Variants in EPN3 observed in about 807,000 individuals in gnomAD.
EPN3 encodes the protein epsin 3, also known as epsin-3.
A neutral mutation model predicts 55.5 loss-of-function variants in EPN3; 56 were observed. The ratio of observed to expected loss-of-function variants is 1.01; its 90% confidence interval spans 0.81 to 1.26. EPN3 has a LOEUF of 1.26. Ranked by LOEUF, EPN3 falls within the 50% of genes most tolerant of loss-of-function variation. The pLI, the probability that EPN3 is intolerant of heterozygous loss-of-function variation, is 0.00. For synonymous variants in EPN3, 449 were observed against 375.2 expected (o/e 1.20, Z -2.27); for missense variants, 927 against 853.4 (o/e 1.09, Z -1.07).
rs146691139 is a variant in EPN3 at position 50,536,721 on chromosome 17, A to G, written c.165A>G (p.Glu55=). 4.6e-4 allele frequency: 750 copies of G among 1,614,112 alleles called. 6 individuals carry two copies. In the African/African-American group the frequency reaches 8.7e-3, roughly 19 times the overall value. ...CCTTCAACACAGTGGCCTTCACCGA[A>G]GTCATGGGCATGCTGTGGCGGCGGC... is the stretch of plus-strand genomic sequence containing the variant. ...DLTFNTVAFT[E]VMGMLWRRLN... The change falls in exon 2 of 10, where the codon GAA becomes GAG. Residue 55 remains glutamate (E), a synonymous_variant. Transcript: ENST00000268933.
In EPN3 at chr17:50,541,496, T is replaced by A. The variant is rs757224429; in HGVS notation, c.1387T>A (p.Ser463Thr). Reference sequence around the variant, plus strand: ...CCTGTTTGGAGACCCCAGCCCCAGTTCCAAGCAAAATGGCACGAAGGAGCC... The same window carrying A: ...CCTGTTTGGAGACCCCAGCCCCAGTACCAAGCAAAATGGCACGAAGGAGCC... ...LDLFGDPSPS[S>T]KQNGTKEPDA... The change falls in exon 9 of 10, where the codon TCC becomes ACC. Residue 463 changes from serine (S) to threonine (T), a missense_variant. Ser to Thr is a moderately conservative substitution (Grantham distance 58). Transcript: ENST00000268933. 6.2e-7 allele frequency: 1 copy of A among 1,614,060 alleles called. No individual in the cohort carries two copies. Among genetic ancestry groups the A allele is most frequent in the Admixed American group, 1.7e-5 (1 of 60,020 alleles).
At position 50,536,521 on chromosome 17, in the gene EPN3, C is replaced by T. The variant is rs200689978; in HGVS notation, c.-36C>T. The T allele has an allele frequency of 1.5e-5, 24 of 1,611,786 alleles. No homozygotes were observed. Among genetic ancestry groups the T allele is most frequent in the East Asian group, 6.7e-5 (3 of 44,760 alleles). ...GTGGCCCTCAGCCCTCCACCTCCGG[C>T]GGGGGCGAGGGCCACCCACCTCCAA... On this transcript the variant is annotated 5_prime_UTR_variant, in exon 2 of 10. Coordinates refer to ENST00000268933, the MANE Select transcript of EPN3 (RefSeq NM_017957.3).
rs757232842 is a variant in EPN3, at chr17:50,540,996, C to T, written c.1183C>T (p.His395Tyr). ...TTDPWALNSPHHKLPSTGADP... is the reference protein window; with the variant it reads ...TTDPWALNSPYHKLPSTGADP... ...AGACCCCTGGGCCCTGAACTCTCCC[C>T]ACCACAAACTCCCCAGCACTGGGGC... Residue 395 changes from histidine to tyrosine, a missense_variant, in exon 7 of 10, where the codon CAC (histidine) becomes TAC (tyrosine). Physicochemically the swap from His to Tyr is moderately conservative, Grantham distance 83 (BLOSUM62 2). Transcript: ENST00000268933. The T allele has an allele frequency of 1.2e-6, 2 of 1,608,678 alleles. No homozygotes were observed. Among genetic ancestry groups the T allele is most frequent in the South Asian group, 1.1e-5 (1 of 90,846 alleles).
At chr17:50,537,262 C>A in intron 2 of EPN3, 144 bp downstream of exon 2, 1 of 812,614 alleles carries the variant, frequency 1.2e-6, no homozygotes, top group Non-Finnish European at 1.9e-6. Context: ...ACGCAAGGCG[C>A]AACACCCGGC....
Position 50,540,965 on chromosome 17 carries a change from C to A in EPN3, c.1152C>A (p.Pro384=), listed in dbSNP as rs145271831. Residue 384 remains proline (P), a synonymous_variant, in exon 7 of 10, where the codon CCC becomes CCA. Coordinates refer to ENST00000268933, the MANE Select transcript of EPN3 (RefSeq NM_017957.3). ...CCCCAGTGCTGCCTGCTGGGCCCCC[C>A]ACCACAGACCCCTGGGCCCTGAACT... is the stretch of plus-strand genomic sequence containing the variant. ...GRTPVLPAGP[P]TTDPWALNSP... 7 of 1,612,898 alleles carry A rather than the reference C, an allele frequency of 4.3e-6. No individual in the cohort carries two copies. The highest frequency in any genetic ancestry group is 5.9e-6 in the Non-Finnish European group (7 of 1,179,822).
At chr17:50,540,463 C>A in intron 6 of EPN3, 129 bp downstream of exon 6, 2 of 857,870 alleles carry the variant, frequency 2.3e-6, no homozygotes, top group Non-Finnish European at 3.6e-6. Context: ...CCACCTTGAG[C>A]CTCCGCCGCC....
At chr17:50,533,122 G>C (rs542343684) in intron 1 of EPN3, 137 bp downstream of exon 1, 3 of 465,382 alleles carry the variant, frequency 6.4e-6, no homozygotes, top group East Asian at 1.3e-4. Flanking sequence ...GGACCTAAAG[G>C]CTTCTTTCCT....
chr17:50,538,421 A>G (rs915505479), intron 3 of EPN3: 1 of 565,810 alleles, frequency 1.8e-6, no homozygotes, highest in Admixed American at 3.2e-5. Context: ...GTGTACAATT[A>G]GGGGCACATG....
At position 50,541,219 on chromosome 17, in the gene EPN3, C is replaced by A. The variant is rs371106341; in HGVS notation, c.1250-10C>A. The A allele has an allele frequency of 1.2e-6, 2 of 1,613,520 alleles. No homozygotes were observed. The highest frequency in any genetic ancestry group is 1.7e-6 in the Non-Finnish European group (2 of 1,179,982). ...GTCAACCCATCTCCTCTTCCTCTCT[C>A]TCTTCCGAGGTGGTGCCTCGACCTT... On this transcript the variant is annotated splice_polypyrimidine_tract_variant and intron_variant, in intron 7 of 9. Coordinates refer to ENST00000268933, the MANE Select transcript of EPN3 (RefSeq NM_017957.3).
Position 50,540,273 on chromosome 17 carries a change from CTTCGTA to C in EPN3, c.919_924del (p.Phe307_Val308del), listed in dbSNP as rs1294818578. ...CCTCCATCCTGGACTTGGCTGACAT[CTTCGTA>C]CCTGCCCTGGCCCCGCCCTCCACAC... On this transcript the variant is annotated inframe_deletion, in exon 6 of 10. Transcript: ENST00000268933. 3 of 1,612,674 alleles carry C rather than the reference CTTCGTA, an allele frequency of 1.9e-6. No individual in the cohort carries two copies. In the African/African-American group the frequency reaches 4.0e-5, roughly 22 times the overall value.
At position 50,536,800 on chromosome 17, in the gene EPN3, G is replaced by A. The variant is rs560350688; in HGVS notation, c.244G>A (p.Asp82Asn). The A allele has an allele frequency of 6.2e-7, 1 of 1,614,160 alleles. No homozygotes were observed. The highest frequency in any genetic ancestry group is 8.5e-7 in the Non-Finnish European group (1 of 1,180,044). ...CGTGTACAAGGCTCTAACATTGCTG[G>A]ACTACCTGCTCAAGACGGGCTCCGA... ...RHVYKALTLL[D>N]YLLKTGSERV... The change falls in exon 2 of 10, where the codon GAC becomes AAC. Residue 82 changes from aspartate to asparagine, a missense_variant. Physicochemically the swap from Asp to Asn is conservative, Grantham distance 23. Coordinates refer to ENST00000268933, the MANE Select transcript of EPN3 (RefSeq NM_017957.3).
chr17:50,532,735 G>C lies in EPN3; in HGVS notation c.-387G>C. On this transcript the variant is annotated 5_prime_UTR_variant, in exon 1 of 10. Transcript: ENST00000268933. ...CCGGGCCAGCTGAGCAACTTTCCTC[G>C]GAGTGCTGCCTGGCGCTGGCTAGGA... The C allele has an allele frequency of 2.3e-6, 1 of 435,986 alleles. No homozygotes were observed. Among genetic ancestry groups the C allele is most frequent in the South Asian group, 1.8e-5 (1 of 54,722 alleles). The allele number at this position is 435,986 out of a possible 1,614,324, so 27.0% of individuals were successfully genotyped here.
At chr17:50,533,461 AG>A (rs1171866288) in intron 1 of EPN3, among the ~76,000 whole-genome samples, 1 of 152,172 alleles carries the variant, frequency 6.6e-6, no homozygotes, top group East Asian at 1.9e-4. Context: ...ACTTGGAGGC[AG>A]GGGCTGGAGC....
chr17:50,538,823 C>A, intron 3 of EPN3, 61 bp from the exon 4 acceptor site: 1 of 1,328,992 alleles, frequency 7.5e-7, no homozygotes, highest in Non-Finnish European at 1.0e-6. Context: ...CAGGCCTATA[C>A]TGCCCTTCTG....
At position 50,536,816 on chromosome 17, in the gene EPN3, C is replaced by A. The variant is rs368660081; in HGVS notation, c.260C>A (p.Thr87Lys). 8.7e-6 allele frequency: 14 copies of A among 1,614,126 alleles called. No homozygotes were observed. Among genetic ancestry groups the A allele is most frequent in the Non-Finnish European group, 1.2e-5 (14 of 1,180,034 alleles). The change falls in exon 2 of 10, where the codon ACG (threonine) becomes AAG (lysine). Residue 87 changes from threonine to lysine, a missense_variant. Thr to Lys is a moderately conservative substitution (Grantham distance 78, BLOSUM62 -1). Transcript: ENST00000268933. Reference protein sequence around the residue: ...ALTLLDYLLKTGSERVAHQCR... With the variant: ...ALTLLDYLLKKGSERVAHQCR... ...ACATTGCTGGACTACCTGCTCAAGA[C>A]GGGCTCCGAGCGGGTGGCCCACCAG... is the stretch of plus-strand genomic sequence containing the variant.
chr17:50,543,628 C>CACCT lies in EPN3; in HGVS notation c.*1472_*1475dup, dbSNP rs1348256387. On this transcript the variant is annotated 3_prime_UTR_variant, in exon 10 of 10. Coordinates refer to ENST00000268933, the MANE Select transcript of EPN3 (RefSeq NM_017957.3). ...CAGTTACAAACAGGATGGACAAGAACACCTGCTCAGGAGTCAGACTTACAG... is the reference window on the plus strand; with the variant it reads ...CAGTTACAAACAGGATGGACAAGAACACCTACCTGCTCAGGAGTCAGACTTACAG... The CACCT allele has an allele frequency of 6.6e-6, 1 of 152,250 alleles. No individual in the cohort carries two copies. Among genetic ancestry groups the CACCT allele is most frequent in the Non-Finnish European group, 1.5e-5 (1 of 68,060 alleles). 9.4% of individuals were successfully genotyped at this position (152,250 alleles called of 1,614,324 possible). A position where few individuals can be genotyped will look rare whatever the true frequency, so the allele number is the denominator to read the frequency against.
chr17:50,539,942 T>C (rs1175629396), intron 5 of EPN3, among the ~76,000 whole-genome samples: 1 of 152,212 alleles, frequency 6.6e-6, no homozygotes, highest in Non-Finnish European at 1.5e-5. Flanking sequence ...CTATCCCAGC[T>C]CTGCCTCTCC....
Position 50,536,525 on chromosome 17 carries a change from G to T in EPN3, c.-32G>T. On this transcript the variant is annotated 5_prime_UTR_variant, in exon 2 of 10. Coordinates refer to ENST00000268933, the MANE Select transcript of EPN3 (RefSeq NM_017957.3). ...CCCTCAGCCCTCCACCTCCGGCGGGGGCGAGGGCCACCCACCTCCAAGTCT... is the reference window on the plus strand; with the variant it reads ...CCCTCAGCCCTCCACCTCCGGCGGGTGCGAGGGCCACCCACCTCCAAGTCT... The T allele has an allele frequency of 2.5e-6, 4 of 1,612,292 alleles. No homozygotes were observed. Among genetic ancestry groups the T allele is most frequent in the Non-Finnish European group, 2.5e-6 (3 of 1,179,980 alleles).
rs2034845802 is a variant in EPN3, at chr17:50,541,314, G to C, written c.1335G>C (p.Gly445=). 6.2e-7 allele frequency: 1 copy of C among 1,612,494 alleles called. No homozygotes were observed. The highest frequency in any genetic ancestry group is 1.3e-5 in the African/African-American group (1 of 74,904). The part of the protein sequence containing the change: ...KEGLEQALPS[G]KPSSPVELDL... Reference sequence around the variant, plus strand: ...GGCTGGAGCAGGCCCTGCCCTCTGGGAAGCCCAGCAGCCCTGTGGGTGAGC... The same window carrying C: ...GGCTGGAGCAGGCCCTGCCCTCTGGCAAGCCCAGCAGCCCTGTGGGTGAGC... Residue 445 remains glycine, a synonymous_variant, in exon 8 of 10, where the codon GGG becomes GGC. Transcript: ENST00000268933.
Sources: gnomAD v4.1 joint callset for allele counts (sites outside exome capture counted in the v4.1 genomes callset) on GRCh38, gnomAD v4.1.1 for gene constraint, MANE v1.5 for transcripts, NCBI Gene and HGNC (gene_info 2026-07-23, HGNC 2026-07-21) for gene names.